ITPRIP: variants seen among roughly 807,000 people sequenced by gnomAD.
ITPRIP encodes the protein inositol 1,4,5-trisphosphate receptor interacting protein.
In ITPRIP, 32 loss-of-function variants were observed where a neutral mutation model predicts 35.8. That is an observed-to-expected ratio of 0.89 (90% CI 0.68 to 1.20). The LOEUF is 1.20. Among genes scored for constraint, ITPRIP ranks in the 50% most tolerant of loss-of-function variants. The pLI, the probability that ITPRIP is intolerant of heterozygous loss-of-function variation, is 0.00. For synonymous variants in ITPRIP, 358 were observed against 324.0 expected, an observed-to-expected ratio of 1.11 and a Z score of -1.13; for missense variants, 653 against 735.6, an observed-to-expected ratio of 0.89 and a Z score of 1.30.
chr10:104,313,000 A>G lies in ITPRIP; in HGVS notation c.*1408T>C, dbSNP rs2013525684. On this transcript the variant is annotated 3_prime_UTR_variant, in exon 2 of 2. Transcript: ENST00000337478. ...CCTGATCCCCCTGAACCAGACCTGG[A>G]GACGGAGCCCAGCTCCAACCACAGA... 1 of 985,472 alleles carries G rather than the reference A, an allele frequency of 1.0e-6. No homozygotes were observed. The highest frequency in any genetic ancestry group is 1.2e-6 in the Non-Finnish European group (1 of 829,986). The allele number at this position is 985,472 out of a possible 1,614,324, so 61.0% of individuals were successfully genotyped here. A position where few individuals can be genotyped will look rare whatever the true frequency, so the allele number is the denominator to read the frequency against.
At chr10:104,335,199 T>C (rs775462437) in intron 1 of ITPRIP, among the ~76,000 whole-genome samples, 7 of 152,186 alleles carry the variant, frequency 4.6e-5, no homozygotes, top group Non-Finnish European at 1.0e-4. Context: ...AGTGAAATGC[T>C]CGGTTCCAGC....
At chr10:104,325,087 G>A (rs1180191827) in intron 1 of ITPRIP, among the ~76,000 whole-genome samples, 2 of 152,194 alleles carry the variant, frequency 1.3e-5, no homozygotes, top group Non-Finnish European at 2.9e-5. Flanking sequence ...GGGCGTGGTG[G>A]CACATGCCTG....
At chr10:104,320,698 C>T (rs537733211) in intron 1 of ITPRIP, among the ~76,000 whole-genome samples, 4 of 152,062 alleles carry the variant, frequency 2.6e-5, no homozygotes, top group East Asian at 1.9e-4. Flanking sequence ...CCACCATGCC[C>T]GGCTAATTTT....
chr10:104,338,240 A>T lies in ITPRIP; in HGVS notation c.-14+6T>A, dbSNP rs951684794. The T allele has an allele frequency of 1.3e-5, 2 of 153,124 alleles. No individual in the cohort carries two copies. Among genetic ancestry groups the T allele is most frequent in the African/African-American group, 4.8e-5 (2 of 41,428 alleles). 9.5% of individuals were successfully genotyped at this position (153,124 alleles called of 1,614,324 possible). A position where few individuals can be genotyped will look rare whatever the true frequency, so the allele number is the denominator to read the frequency against. ...CTTCAGCACACTAGGCTGCCCTGGG[A>T]CTTACGATTGGCTTGGGTCCCCGGT... On this transcript the variant is annotated splice_donor_region_variant and intron_variant, in intron 1 of 1. Coordinates refer to ENST00000337478, the MANE Select transcript of ITPRIP (RefSeq NM_001272013.2).
Position 104,314,352 on chromosome 10 carries a change from T to C in ITPRIP, c.*56A>G. ...GGGCTGGCAGATGCCACCAGGGGTG[T>C]GAACGTGAGGGATGCCCTCATCTTA... On this transcript the variant is annotated 3_prime_UTR_variant, in exon 2 of 2. Coordinates refer to ENST00000337478, the MANE Select transcript of ITPRIP (RefSeq NM_001272013.2). The C allele has an allele frequency of 6.5e-7, 1 of 1,550,242 alleles. No homozygotes were observed. Among genetic ancestry groups the C allele is most frequent in the Non-Finnish European group, 8.7e-7 (1 of 1,147,096 alleles).
Position 104,332,771 on chromosome 10 carries a change from T to TC in ITPRIP, c.-14+5474_-14+5475insG, listed in dbSNP as rs2014173276. ...CAAGTGTATCTCAAGCACACCCAAC[T>TC]GAAAGCATTCCATGAATTTAGTTTA... On this transcript the variant is annotated intron_variant, in intron 1 of 1. Transcript: ENST00000337478. 2.0e-5 allele frequency among the ~76,000 whole-genome samples: 3 copies of TC among 152,192 alleles called. No individual in the cohort carries two copies. The South Asian group carries it at 6.2e-4, about 32-fold the overall frequency.
intron 1 of ITPRIP, among the ~76,000 whole-genome samples, chr10:104,320,429 C>G (rs1026842967): frequency 2.0e-5 from 3 of 152,112 alleles, no homozygotes; most frequent in Admixed American, 6.5e-5. Flanking sequence ...TCTTTGAATC[C>G]ACCTATGACC....
At position 104,314,833 on chromosome 10, in the gene ITPRIP, T is replaced by A. The variant is rs759332872; in HGVS notation, c.1219A>T (p.Ser407Cys). 6 of 1,613,888 alleles carry A rather than the reference T, an allele frequency of 3.7e-6. No homozygotes were observed. In the East Asian group the frequency reaches 8.9e-5, roughly 24 times the overall value. ...AGGAAGGATGCTATCTGCAGGCAGCTGAGGTGGCAGGCGCCCTCGGGCAGT... is the reference window on the plus strand; with the variant it reads ...AGGAAGGATGCTATCTGCAGGCAGCAGAGGTGGCAGGCGCCCTCGGGCAGT... ...KALPEGACHLSCLQIASFLLS... is the reference protein window; with the variant it reads ...KALPEGACHLCCLQIASFLLS... The change falls in exon 2 of 2, where the codon AGC (serine) becomes TGC (cysteine). Residue 407 changes from serine to cysteine, a missense_variant. Ser to Cys is a moderately radical substitution (Grantham distance 112). Transcript: ENST00000337478.
intron 1 of ITPRIP, among the ~76,000 whole-genome samples, chr10:104,323,145 G>A (rs981860386): frequency 1.3e-5 from 2 of 152,200 alleles, no homozygotes; most frequent in Middle Eastern, 3.2e-3. Flanking sequence ...GTATCATCCC[G>A]TGGACCCTCC....
rs188044205 is a variant in ITPRIP, at chr10:104,323,009, A to G, written c.-13-6945T>C. Among the ~76,000 whole-genome samples the G allele has an allele frequency of 8.0e-4, 122 of 152,322 alleles. 1 individual carries two copies. The highest frequency in any genetic ancestry group is 4.1e-4 in the South Asian group (2 of 4,830). On this transcript the variant is annotated intron_variant, in intron 1 of 1. Coordinates refer to ENST00000337478, the MANE Select transcript of ITPRIP (RefSeq NM_001272013.2). The stretch of plus-strand genomic sequence containing the variant: ...CAGTTGTTGGGGGGAAATCAAGCCA[A>G]ATATTTAAGAAAGTCAGAATATAGA...
In ITPRIP at chr10:104,310,824, T is replaced by TACC. The variant is rs2013468007; in HGVS notation, c.*3581_*3583dup. On this transcript the variant is annotated 3_prime_UTR_variant, in exon 2 of 2. Coordinates refer to ENST00000337478, the MANE Select transcript of ITPRIP (RefSeq NM_001272013.2). Reference sequence around the variant, plus strand: ...TGAGGCCTTCCCTAATCAGCCCAGGTACCAGTGGTTCTTGGACATCCAGAA... The same window carrying TACC: ...TGAGGCCTTCCCTAATCAGCCCAGGTACCACCAGTGGTTCTTGGACATCCAGAA... 5.3e-5 allele frequency: 8 copies of TACC among 152,194 alleles called. No individual in the cohort carries two copies. The highest frequency in any genetic ancestry group is 5.2e-4 in the Admixed American group (8 of 15,280). The allele number at this position is 152,194 out of a possible 1,614,324, so 9.4% of individuals were successfully genotyped here. A position where few individuals can be genotyped will look rare whatever the true frequency, so the allele number is the denominator to read the frequency against.
intron 1 of ITPRIP, among the ~76,000 whole-genome samples, chr10:104,336,959 G>A (rs141145942): frequency 2.0e-5 from 3 of 152,216 alleles, no homozygotes; most frequent in African/African-American, 7.2e-5. Flanking sequence ...AGGGAGAGCA[G>A]AGAGTCAGTA....
chr10:104,316,151 G>C, intron 1 of ITPRIP, 87 bp from the exon 2 acceptor site: 1 of 1,180,464 alleles, frequency 8.5e-7, no homozygotes, highest in Non-Finnish European at 1.2e-6. Flanking sequence ...GCCCCTCAGG[G>C]CTGGTTAAGG....
chr10:104,314,825 C>T lies in ITPRIP; in HGVS notation c.1227G>A (p.Leu409=). 1 of 1,613,902 alleles carries T rather than the reference C, an allele frequency of 6.2e-7. No individual in the cohort carries two copies. Among genetic ancestry groups the T allele is most frequent in the South Asian group, 1.1e-5 (1 of 91,088 alleles). The part of the protein sequence containing the change: ...LPEGACHLSC[L]QIASFLLSKQ... ...TGGAGAGCAGGAAGGATGCTATCTGCAGGCAGCTGAGGTGGCAGGCGCCCT... is the reference window on the plus strand; with the variant it reads ...TGGAGAGCAGGAAGGATGCTATCTGTAGGCAGCTGAGGTGGCAGGCGCCCT... Residue 409 remains leucine, a synonymous_variant, in exon 2 of 2, where the codon CTG becomes CTA. Coordinates refer to ENST00000337478, the MANE Select transcript of ITPRIP (RefSeq NM_001272013.2).
chr10:104,332,453 G>C (rs574322692), intron 1 of ITPRIP, among the ~76,000 whole-genome samples: 79 of 152,300 alleles, frequency 5.2e-4, no homozygotes, highest in African/African-American at 1.8e-3. Context: ...CAAGTGGAAG[G>C]ACAAGGCGAT....
Position 104,319,241 on chromosome 10 carries a change from C to T in ITPRIP, c.-13-3177G>A, listed in dbSNP as rs76364743. On this transcript the variant is annotated intron_variant, in intron 1 of 1. Transcript: ENST00000337478. ...TTCCTCCTTCACAGGGATGTTGGGACGGGTGAGTGAGATCATACACCTTGG... is the reference window on the plus strand; with the variant it reads ...TTCCTCCTTCACAGGGATGTTGGGATGGGTGAGTGAGATCATACACCTTGG... 3.2e-3 allele frequency among the ~76,000 whole-genome samples: 487 copies of T among 152,314 alleles called. 4 individuals are homozygous for T. The highest frequency in any genetic ancestry group is 0.011 in the African/African-American group (454 of 41,558).
chr10:104,327,668 C>T (rs927177249), intron 1 of ITPRIP, among the ~76,000 whole-genome samples: 4 of 152,180 alleles, frequency 2.6e-5, no homozygotes, highest in Admixed American at 2.6e-4. Flanking sequence ...GCACCAGGTA[C>T]CTCATGTAGG....
intron 1 of ITPRIP, among the ~76,000 whole-genome samples, chr10:104,316,643 C>A (rs1441882388): frequency 1.3e-5 from 2 of 152,196 alleles, no homozygotes; most frequent in South Asian, 4.2e-4. Context: ...AAAGCAGAAC[C>A]CCCCCTCCCC....
rs780340322 is a variant in ITPRIP at position 104,315,310 on chromosome 10, C to T, written c.742G>A (p.Ala248Thr). Residue 248 changes from alanine to threonine, a missense_variant, in exon 2 of 2, where the codon GCC (alanine) becomes ACC (threonine). Transcript: ENST00000337478. This position sits in a 1 kb window ranked among gnomAD's most constrained non-coding sequence, Gnocchi z 5.7. ...QGYGQIKVVR[A>T]DGDTLSCICG... ...ATGCAGCTCAATGTGTCCCCATCGG[C>T]GCGGACCACCTTGATCTGGCCGTAG... is the stretch of plus-strand genomic sequence containing the variant. 6.3e-6 allele frequency: 10 copies of T among 1,579,348 alleles called. No homozygotes were observed. The highest frequency in any genetic ancestry group is 4.0e-5 in the African/African-American group (3 of 74,382).
Sources: gnomAD v4.1 joint callset for allele counts (sites outside exome capture counted in the v4.1 genomes callset) on GRCh38, gnomAD v4.1.1 for gene constraint, Gnocchi (gnomAD v3.1) non-coding constraint, MANE v1.5 for transcripts, NCBI Gene and HGNC (gene_info 2026-07-23, HGNC 2026-07-21) for gene names.